The following BLTP1 variants were observed in gnomAD, a reference collection of about 807,000 sequenced individuals.
BLTP1 encodes the protein bridge-like lipid transfer protein family member 1.
chr4:122,238,434 C>G, the BLTP1 span: 2 of 1,041,232 alleles, frequency 1.9e-6, no homozygotes, highest in East Asian at 2.4e-5. Context: ...CTTCTTCCCT[C>G]TCCACTCCCC....
chr4:122,165,860 A>C, the BLTP1 span, among the ~76,000 whole-genome samples: 1 of 149,954 alleles, frequency 6.7e-6, no homozygotes, highest in African/African-American at 2.4e-5. Context: ...TGTTGGCTGC[A>C]TAAATGTCTT....
chr4:122,333,649 G>A, the BLTP1 span: 1 of 1,603,696 alleles, frequency 6.2e-7, no homozygotes, highest in Admixed American at 1.7e-5. Context: ...CGAAGTTCCA[G>A]GAGCTTAGAT....
the BLTP1 span, chr4:122,232,060 G>C: frequency 6.1e-6 from 6 of 985,202 alleles, no homozygotes; most frequent in Admixed American, 6.1e-5. Context: ...AGCAAGGTGC[G>C]AATGGAACTA....
the BLTP1 span, chr4:122,197,005 G>A: frequency 5.6e-6 from 1 of 177,056 alleles, no homozygotes; most frequent in Non-Finnish European, 1.1e-5. Context: ...CTATATTCTG[G>A]CTCATTTTCT....
chr4:122,347,326 T>A, the BLTP1 span: 1 of 877,400 alleles, frequency 1.1e-6, no homozygotes, highest in Non-Finnish European at 1.4e-6. Context: ...GGTCCTGTTT[T>A]GCTCTTTTCA....
the BLTP1 span, among the ~76,000 whole-genome samples, chr4:122,262,414 A>G: frequency 6.6e-6 from 1 of 152,076 alleles, no homozygotes; most frequent in Admixed American, 6.6e-5. Context: ...CATTTCCACC[A>G]TCTATTTGAT....
the BLTP1 span, chr4:122,174,130 C>G: frequency 1.1e-6 from 1 of 888,428 alleles, no homozygotes; most frequent in Non-Finnish European, 1.3e-6. Context: ...CTGGAGAGAA[C>G]CATTCTAACC....
At chr4:122,194,531 G>C in the BLTP1 span, 8 of 880,534 alleles carry the variant, frequency 9.1e-6, no homozygotes, top group Non-Finnish European at 9.5e-6. Flanking sequence ...ATTTCATTAA[G>C]TAATAGAGCT....
the BLTP1 span, chr4:122,192,215 G>A: frequency 6.2e-7 from 1 of 1,611,160 alleles, no homozygotes; most frequent in Non-Finnish European, 8.5e-7. Context: ...TATATTGTAT[G>A]TTCTGGAATA....
At chr4:122,246,997 A>G in the BLTP1 span, 5 of 841,854 alleles carry the variant, frequency 5.9e-6, no homozygotes, top group African/African-American at 7.4e-5. Flanking sequence ...TACTGTTTCT[A>G]TTCATAGTAT....
chr4:122,301,786 T>G, the BLTP1 span, among the ~76,000 whole-genome samples: 3 of 152,206 alleles, frequency 2.0e-5, no homozygotes, highest in Admixed American at 6.5e-5. Context: ...CAAGAAATAT[T>G]TTATGCACTT....
the BLTP1 span, chr4:122,316,441 C>T: frequency 2.1e-6 from 1 of 484,202 alleles, no homozygotes; most frequent in Non-Finnish European, 4.2e-6. Flanking sequence ...ACCCCCAAAT[C>T]AGCGCCATTC....
chr4:122,250,240 AT>A, the BLTP1 span: 1 of 1,055,532 alleles, frequency 9.5e-7, no homozygotes, highest in Non-Finnish European at 1.3e-6. Context: ...ACTTTTATAG[AT>A]TAGGGCAAAG....
chr4:122,271,720 A>G, the BLTP1 span: 1 of 1,546,396 alleles, frequency 6.5e-7, no homozygotes, highest in African/African-American at 1.4e-5. Context: ...CATTTGGACC[A>G]GCAGGTAACA....
chr4:122,336,977 A>G, the BLTP1 span: 1 of 1,611,728 alleles, frequency 6.2e-7, no homozygotes, highest in Non-Finnish European at 8.5e-7. Context: ...ACATCTGCTT[A>G]CTCTTCCTTC....
chr4:122,355,664 A>G, the BLTP1 span: 5 of 705,486 alleles, frequency 7.1e-6, no homozygotes, highest in Non-Finnish European at 2.1e-6. Flanking sequence ...TATGTAGTAT[A>G]TCTATATATA....
chr4:122,221,685 A>T, the BLTP1 span: 1 of 497,692 alleles, frequency 2.0e-6, no homozygotes, highest in Non-Finnish European at 2.6e-6. Flanking sequence ...AAAAAAAAAA[A>T]CCTCTTGTCC....
the BLTP1 span, chr4:122,251,105 G>A: frequency 6.7e-3 from 6,604 of 985,036 alleles, 327 homozygotes; most frequent in African/African-American, 0.1. Flanking sequence ...AAGAAATGTC[G>A]TGCCACTAAC....
chr4:122,281,532 C>G, the BLTP1 span: 2 of 1,548,626 alleles, frequency 1.3e-6, no homozygotes, highest in East Asian at 2.3e-5. Flanking sequence ...TTTTTGCTTT[C>G]TAGCCCACAG....
Sources: allele counts gnomAD v4.1 joint callset (sites outside exome capture counted in the v4.1 genomes callset), GRCh38; gene constraint gnomAD v4.1.1; transcripts MANE v1.5; gene names NCBI Gene and HGNC (gene_info 2026-07-23, HGNC 2026-07-21).